HPSE2: variants seen among roughly 807,000 people sequenced by gnomAD.
The protein encoded by HPSE2 is inactive heparanase-2.
A neutral mutation model predicts 60.5 loss-of-function variants in HPSE2; 38 were observed. The observed-to-expected ratio is 0.63, with a 90% CI of 0.48 to 0.82. The LOEUF is 0.82. Among genes scored for constraint, HPSE2 ranks in the 40% least tolerant of loss-of-function variants. HPSE2 has a pLI of 0.00. For synonymous variants in HPSE2, 295 were observed against 293.2 expected, an observed-to-expected ratio of 1.01 and a Z score of -0.06; for missense variants, 713 against 740.4, an observed-to-expected ratio of 0.96 and a Z score of 0.43.
the HPSE2 span, among the ~76,000 whole-genome samples, chr10:99,249,394 G>GTCATTTCATA: frequency 2.0e-5 from 3 of 152,324 alleles, no homozygotes; most frequent in East Asian, 5.8e-4. Flanking sequence ...CTGCCCTTCT[G>GTCATTTCATA]TGTTTTGGAT....
At chr10:98,600,805 TGTGTGC>T (rs1945379190) in intron 9 of HPSE2, among the ~76,000 whole-genome samples, 1 of 107,696 alleles carries the variant, frequency 9.3e-6, no homozygotes, top group Admixed American at 1.1e-4. Context: ...TATATACACG[TGTGTGC>T]GTGTGTGTGT....
intron 3 of HPSE2, among the ~76,000 whole-genome samples, chr10:98,992,846 T>G (rs1350263165): frequency 6.6e-6 from 1 of 152,224 alleles, no homozygotes; most frequent in East Asian, 1.9e-4. Flanking sequence ...TAGACAGCAC[T>G]GGGTTCCAAT....
chr10:99,277,385 G>A, the HPSE2 span, among the ~76,000 whole-genome samples: 8 of 152,304 alleles, frequency 5.3e-5, no homozygotes, highest in East Asian at 3.9e-4. Flanking sequence ...AAAAGTAAAC[G>A]AAAATAAGGT....
intron 3 of HPSE2, among the ~76,000 whole-genome samples, chr10:98,755,225 CA>C (rs1344103680): frequency 1.1e-4 from 16 of 151,718 alleles, no homozygotes; most frequent in Non-Finnish European, 2.9e-5. Context: ...GTTGCTAATC[CA>C]ATTTAAGACA....
At chr10:99,099,768 C>T (rs530044433) in intron 3 of HPSE2, among the ~76,000 whole-genome samples, 20 of 152,272 alleles carry the variant, frequency 1.3e-4, no homozygotes, top group Admixed American at 2.6e-4. Context: ...ACACCTCACA[C>T]GGCTGGGTAT....
chr10:98,721,598 A>C, intron 5 of HPSE2, 59 bp downstream of exon 5: 1 of 1,480,590 alleles, frequency 6.8e-7, no homozygotes, highest in East Asian at 2.3e-5. Flanking sequence ...AGAGAAATGC[A>C]AATACATTAA....
intron 9 of HPSE2, among the ~76,000 whole-genome samples, chr10:98,531,787 G>C (rs1403225678): frequency 6.6e-6 from 1 of 151,972 alleles, no homozygotes; most frequent in Non-Finnish European, 1.5e-5. Context: ...AAGCCCCCTG[G>C]TGACTCTGTA....
At chr10:98,688,717 C>A (rs1214673199) in intron 6 of HPSE2, among the ~76,000 whole-genome samples, 1 of 151,706 alleles carries the variant, frequency 6.6e-6, no homozygotes, top group Non-Finnish European at 1.5e-5. Context: ...CTCAGGTGAT[C>A]CACCTGTCTC....
At chr10:98,879,886 T>TGTGA (rs1175998271) in intron 3 of HPSE2, among the ~76,000 whole-genome samples, 8 of 150,356 alleles carry the variant, frequency 5.3e-5, no homozygotes, top group Non-Finnish European at 3.0e-5. Context: ...TGTGTGTGTG[T>TGTGA]GATGTGTTTC....
rs535776564 is a variant in HPSE2 at position 98,668,283 on chromosome 10, A to G, written c.1004+25617T>C. On this transcript the variant is annotated intron_variant, in intron 6 of 11. Transcript: ENST00000370552. Reference sequence around the variant, plus strand: ...ATGAAATTACACAAATAAATAGAAAAATATTCCATGCTCATTGATTGGAAG... The same window carrying G: ...ATGAAATTACACAAATAAATAGAAAGATATTCCATGCTCATTGATTGGAAG... 2.6e-5 allele frequency among the ~76,000 whole-genome samples: 4 copies of G among 152,296 alleles called. No individual in the cohort carries two copies. The South Asian group carries it at 8.3e-4, about 32-fold the overall frequency.
At chr10:99,260,453 C>T in the HPSE2 span, among the ~76,000 whole-genome samples, 2 of 152,172 alleles carry the variant, frequency 1.3e-5, no homozygotes, top group Non-Finnish European at 2.9e-5. Flanking sequence ...CAAGGAACAT[C>T]TCACCAATTT....
At chr10:99,235,009 G>A (rs1406183408) in intron 1 of HPSE2, among the ~76,000 whole-genome samples, 1 of 152,038 alleles carries the variant, frequency 6.6e-6, no homozygotes, top group Non-Finnish European at 1.5e-5. Context: ...CTGAGAGTGG[G>A]AGAGAACTGA....
intron 3 of HPSE2, among the ~76,000 whole-genome samples, chr10:98,749,065 G>GT (rs890280528): frequency 5.9e-5 from 9 of 151,864 alleles, no homozygotes; most frequent in East Asian, 1.9e-4. Context: ...GAACCAGATT[G>GT]TTTTTTTTAA....
chr10:99,165,690 A>G (rs550747285), intron 2 of HPSE2, among the ~76,000 whole-genome samples: 154 of 151,916 alleles, frequency 1.0e-3, no homozygotes, highest in Non-Finnish European at 1.6e-3. Flanking sequence ...GGGATTACAG[A>G]TGCGTGTCAC....
intron 3 of HPSE2, among the ~76,000 whole-genome samples, chr10:98,863,548 A>G (rs1952511795): frequency 6.6e-6 from 1 of 152,154 alleles, no homozygotes; most frequent in African/African-American, 2.4e-5. Context: ...TAGTCAGTAG[A>G]AGAAACCTAC....
rs1047023152 is a variant in HPSE2 at position 99,126,936 on chromosome 10, A to C, written c.610+17302T>G. On this transcript the variant is annotated intron_variant, in intron 3 of 11. Coordinates refer to ENST00000370552, the MANE Select transcript of HPSE2 (RefSeq NM_021828.5). The surrounding 1 kb of genome is among the most constrained non-coding windows in gnomAD (Gnocchi z 4.0). The stretch of plus-strand genomic sequence containing the variant: ...CTGGCTCCCAGAAAGCCCCATCCCT[A>C]GGGGAAGGGGAAGAGCACCACATGA... 6.6e-6 allele frequency among the ~76,000 whole-genome samples: 1 copy of C among 152,122 alleles called. No individual in the cohort carries two copies. The highest frequency in any genetic ancestry group is 1.5e-5 in the Non-Finnish European group (1 of 67,996).
chr10:99,068,183 T>C (rs1304425023), intron 3 of HPSE2, among the ~76,000 whole-genome samples: 3 of 152,176 alleles, frequency 2.0e-5, no homozygotes, highest in East Asian at 1.9e-4. Context: ...CATCTTCCTG[T>C]CTTCTGAGTA....
At chr10:98,610,373 T>TAA (rs1283094365) in intron 9 of HPSE2, among the ~76,000 whole-genome samples, 1 of 152,174 alleles carries the variant, frequency 6.6e-6, no homozygotes, top group East Asian at 1.9e-4. Flanking sequence ...CAGTAAGAGT[T>TAA]AGAGTTTCCT....
intron 1 of HPSE2, among the ~76,000 whole-genome samples, chr10:99,232,958 G>T (rs538986216): frequency 6.6e-6 from 1 of 152,266 alleles, no homozygotes; most frequent in African/African-American, 2.4e-5. Context: ...GCTGAAAGCC[G>T]GCATTGCCTC....
Sources: gnomAD v4.1 joint callset for allele counts (sites outside exome capture counted in the v4.1 genomes callset) on GRCh38, gnomAD v4.1.1 for gene constraint, Gnocchi (gnomAD v3.1) non-coding constraint, MANE v1.5 for transcripts, NCBI Gene and HGNC (gene_info 2026-07-23, HGNC 2026-07-21) for gene names.